The following LGSN variants were observed in gnomAD, a reference collection of about 807,000 sequenced individuals.
The protein encoded by LGSN is lengsin.
Under a neutral mutation model 19.5 loss-of-function variants are expected in LGSN, and 21 were observed. The ratio of observed to expected loss-of-function variants is 1.07; its 90% CI spans 0.76 to 1.55. The LOEUF is 1.55. LGSN is among the 40% of genes most tolerant of loss of function. The pLI is 0.00. For synonymous variants in LGSN, 257 were observed against 215.6 expected, an observed-to-expected ratio of 1.19 and a Z score of -1.68; for missense variants, 673 against 608.5, an observed-to-expected ratio of 1.11 and a Z score of -1.12.
the LGSN span, among the ~76,000 whole-genome samples, chr6:63,531,313 G>C: frequency 6.6e-6 from 1 of 152,122 alleles, no homozygotes; most frequent in Non-Finnish European, 1.5e-5. Context: ...ATACCGATTT[G>C]TGAGGCCTGT....
chr6:63,477,607 A>C, the LGSN span, among the ~76,000 whole-genome samples: 1 of 146,676 alleles, frequency 6.8e-6, no homozygotes, highest in East Asian at 2.0e-4. Context: ...GTTTTTCGTC[A>C]CATAAATCAC....
the LGSN span, among the ~76,000 whole-genome samples, chr6:63,386,227 T>C: frequency 6.6e-6 from 1 of 152,172 alleles, no homozygotes; most frequent in East Asian, 1.9e-4. Context: ...TTTGTGAATA[T>C]AGATAGGATG....
chr6:63,292,019 C>G (rs1451082393), intron 2 of LGSN, among the ~76,000 whole-genome samples: 1 of 152,186 alleles, frequency 6.6e-6, no homozygotes, highest in Non-Finnish European at 1.5e-5. Context: ...GCATTGCTAT[C>G]TCTGAGATAT....
the LGSN span, among the ~76,000 whole-genome samples, chr6:63,338,701 T>TTTA: frequency 3.9e-5 from 6 of 152,122 alleles, no homozygotes; most frequent in Non-Finnish European, 2.9e-5. Context: ...TGTTCTGATA[T>TTTA]TTATTATTTT....
At chr6:63,453,606 A>G in the LGSN span, among the ~76,000 whole-genome samples, 1 of 151,198 alleles carries the variant, frequency 6.6e-6, no homozygotes, top group Non-Finnish European at 1.5e-5. Context: ...TTTTGTTTGC[A>G]TGGTATATTG....
chr6:63,426,418 T>C, the LGSN span, among the ~76,000 whole-genome samples: 2 of 152,222 alleles, frequency 1.3e-5, no homozygotes, highest in East Asian at 3.8e-4. Context: ...ACCAACTTCA[T>C]ATACACACAC....
the LGSN span, among the ~76,000 whole-genome samples, chr6:63,523,398 A>G: frequency 1.0e-3 from 152 of 152,048 alleles, 1 homozygote; most frequent in African/African-American, 3.4e-3. Context: ...GCCAGGCATG[A>G]TGGGGCATGC....
the LGSN span, among the ~76,000 whole-genome samples, chr6:63,405,391 A>C: frequency 2.0e-5 from 3 of 152,220 alleles, no homozygotes; most frequent in African/African-American, 7.2e-5. Context: ...ACTGACTTCC[A>C]CAATGGTTGA....
the LGSN span, among the ~76,000 whole-genome samples, chr6:63,547,878 C>T: frequency 5.3e-5 from 8 of 152,118 alleles, no homozygotes; most frequent in Non-Finnish European, 1.2e-4. Context: ...TTGCACTTTC[C>T]AACACTTATT....
the LGSN span, among the ~76,000 whole-genome samples, chr6:63,375,331 CATACATATATGTAT>C: frequency 1.3e-5 from 2 of 151,742 alleles, no homozygotes; most frequent in Non-Finnish European, 2.9e-5. Flanking sequence ...AATTCTTACA[CATACATATATGTAT>C]ATATTAGAAG....
chr6:63,537,248 G>A, the LGSN span, among the ~76,000 whole-genome samples: 11 of 152,096 alleles, frequency 7.2e-5, no homozygotes. Flanking sequence ...TAGCATCAAC[G>A]TCCCCTGGGA....
the LGSN span, among the ~76,000 whole-genome samples, chr6:63,335,839 A>T: frequency 6.6e-6 from 1 of 152,330 alleles, no homozygotes; most frequent in East Asian, 1.9e-4. Flanking sequence ...AAAGGAAGAT[A>T]ATTCAAGGTA....
At chr6:63,529,214 T>TGTGTGTATATATATATATGTA in the LGSN span, among the ~76,000 whole-genome samples, 5 of 149,240 alleles carry the variant, frequency 3.4e-5, no homozygotes, top group African/African-American at 1.2e-4. Flanking sequence ...TGTATATATA[T>TGTGTGTATATATATATATGTA]TTGCTAATAA....
At chr6:63,427,115 G>A in the LGSN span, among the ~76,000 whole-genome samples, 5 of 147,718 alleles carry the variant, frequency 3.4e-5, no homozygotes, top group African/African-American at 1.0e-4. Context: ...GCGCAATCTC[G>A]GCTCACTGCA....
the LGSN span, among the ~76,000 whole-genome samples, chr6:63,508,581 T>C: frequency 6.6e-6 from 1 of 152,018 alleles, no homozygotes; most frequent in Non-Finnish European, 1.5e-5. Flanking sequence ...TAAAAGTCAT[T>C]AGGGTAATTC....
the LGSN span, among the ~76,000 whole-genome samples, chr6:63,515,282 C>T: frequency 1.3e-5 from 2 of 152,144 alleles, no homozygotes; most frequent in East Asian, 1.9e-4. Context: ...CCCAGGCTAG[C>T]GTGCAATGGT....
the LGSN span, among the ~76,000 whole-genome samples, chr6:63,388,040 GT>G: frequency 2.5e-3 from 324 of 129,346 alleles, no homozygotes; most frequent in Middle Eastern, 7.7e-3. Context: ...TAATTTTTTT[GT>G]TTTTTTTTTT....
chr6:63,572,942 G>A, the LGSN span, among the ~76,000 whole-genome samples: 2 of 152,120 alleles, frequency 1.3e-5, no homozygotes, highest in African/African-American at 2.4e-5. Flanking sequence ...GCGGGGTGGC[G>A]GTTGGCCGCC....
chr6:63,285,629 G>C lies in LGSN; in HGVS notation c.288C>G (p.His96Gln). The C allele has an allele frequency of 6.2e-7, 1 of 1,613,866 alleles. No individual in the cohort carries two copies. Among genetic ancestry groups the C allele is most frequent in the Non-Finnish European group, 8.5e-7 (1 of 1,179,834 alleles). Reference sequence around the variant, plus strand: ...GGATAGTCTTAGACCTGGACACGCCGTGGAGGTCTGTTGCTTCAAATCGTA... The same window carrying C: ...GGATAGTCTTAGACCTGGACACGCCCTGGAGGTCTGTTGCTTCAAATCGTA... ...QFVRFEATDL[H>Q]GVSRSKTIPA... is the part of the protein sequence containing the mutation. Residue 96 changes from histidine (H) to glutamine (Q), a missense_variant, in exon 3 of 4, where the codon CAC becomes CAG. Transcript: ENST00000370657.
Sources: gnomAD v4.1 joint callset for allele counts (sites outside exome capture counted in the v4.1 genomes callset) on GRCh38, gnomAD v4.1.1 for gene constraint, MANE v1.5 for transcripts, NCBI Gene and HGNC (gene_info 2026-07-23, HGNC 2026-07-21) for gene names.